The following ATF6 variants were observed in gnomAD, a reference collection of about 807,000 sequenced individuals.
ATF6 encodes the protein cyclic AMP-dependent transcription factor ATF-6 alpha.
A neutral mutation model predicts 83.6 loss-of-function variants in ATF6; 53 were observed. The observed-to-expected ratio is 0.63, with a 90% confidence interval of 0.51 to 0.80. The LOEUF is 0.80. ATF6 is among the 30% of genes least tolerant of loss of function. The pLI is 0.00. For missense variants in ATF6, 744 were observed against 797.9 expected, an observed-to-expected ratio of 0.93 and a Z score of 0.81; for synonymous variants, 288 against 285.8, an observed-to-expected ratio of 1.01 and a Z score of -0.08.
intron 15 of ATF6, among the ~76,000 whole-genome samples, chr1:161,935,963 A>C (rs957805856): frequency 3.9e-5 from 6 of 152,218 alleles, no homozygotes; most frequent in African/African-American, 1.4e-4. Flanking sequence ...GTTCTAATTC[A>C]GTATTTTTAG....
rs768264669 is a variant in ATF6, at chr1:161,792,192, T to G, written c.553T>G (p.Leu185Val). The G allele has an allele frequency of 6.2e-7, 1 of 1,614,048 alleles. No homozygotes were observed. The highest frequency in any genetic ancestry group is 8.5e-7 in the Non-Finnish European group (1 of 1,180,016). Residue 185 changes from leucine to valine, a missense_variant, in exon 6 of 16, where the codon TTG becomes GTG. Physicochemically the swap from Leu to Val is conservative, Grantham distance 32. Coordinates refer to ENST00000367942, the MANE Select transcript of ATF6 (RefSeq NM_007348.4). ...SKPSIQPKPL[L>V]LPAAPKTQTN... is the part of the protein sequence containing the mutation. ...ACCTTCAATTCAGCCCAAGCCTTTA[T>G]TGCTTCCAGCAGCACCCAAGACTCA...
chr1:161,842,133 C>T (rs1686372538), intron 9 of ATF6, among the ~76,000 whole-genome samples: 1 of 152,114 alleles, frequency 6.6e-6, no homozygotes, highest in African/African-American at 2.4e-5. Flanking sequence ...TCCAAACTCC[C>T]CCAGTCCCTA....
chr1:161,892,627 T>TC (rs1448056974), intron 14 of ATF6, among the ~76,000 whole-genome samples: 1 of 146,180 alleles, frequency 6.8e-6, no homozygotes, highest in Non-Finnish European at 1.5e-5. Flanking sequence ...TACAGGTCAT[T>TC]CTTTTTTTTT....
Position 161,960,887 on chromosome 1 carries a change from G to A in ATF6, c.*2233G>A, listed in dbSNP as rs1309815921. 6.6e-6 allele frequency: 1 copy of A among 152,180 alleles called. No individual in the cohort carries two copies. The highest frequency in any genetic ancestry group is 1.5e-5 in the Non-Finnish European group (1 of 68,050). The allele number at this position is 152,180 out of a possible 1,614,324, so 9.4% of individuals were successfully genotyped here. A position where few individuals can be genotyped will look rare whatever the true frequency, so the allele number is the denominator to read the frequency against. ...TAGCCACACCAGAGGCTGTGACCAT[G>A]GCTAGTAGACAGTGGCAACATAGTC... On this transcript the variant is annotated 3_prime_UTR_variant, in exon 16 of 16. Coordinates refer to ENST00000367942, the MANE Select transcript of ATF6 (RefSeq NM_007348.4).
At chr1:161,819,134 A>G (rs1685687395) in intron 7 of ATF6, among the ~76,000 whole-genome samples, 1 of 152,208 alleles carries the variant, frequency 6.6e-6, no homozygotes, top group Non-Finnish European at 1.5e-5. Context: ...TGAATAAAGT[A>G]AAATAATAGT....
intron 14 of ATF6, among the ~76,000 whole-genome samples, chr1:161,901,510 TAGTG>T (rs944693752): frequency 2.0e-5 from 3 of 151,454 alleles, no homozygotes; most frequent in African/African-American, 7.3e-5. Context: ...AAAAAAAAAT[TAGTG>T]AGAAGAGTAG....
At chr1:161,893,825 C>G (rs1246081893) in intron 14 of ATF6, among the ~76,000 whole-genome samples, 6 of 152,128 alleles carry the variant, frequency 3.9e-5, no homozygotes, top group African/African-American at 1.4e-4. Flanking sequence ...CATATCTGTT[C>G]CTCACATAAT....
chr1:161,796,438 A>C (rs567320465), intron 6 of ATF6, among the ~76,000 whole-genome samples: 1 of 152,174 alleles, frequency 6.6e-6, no homozygotes, highest in Non-Finnish European at 1.5e-5. Flanking sequence ...AGTGGTTCTC[A>C]GTCTGTATAT....
chr1:161,873,493 A>C (rs149641858), intron 14 of ATF6, among the ~76,000 whole-genome samples: 2 of 151,650 alleles, frequency 1.3e-5, no homozygotes, highest in Admixed American at 1.3e-4. Context: ...CCTCTCCTAT[A>C]TAGTATACAG....
intron 14 of ATF6, 39 bp downstream of exon 14, chr1:161,863,351 G>A (rs765359915): frequency 7.6e-7 from 1 of 1,320,918 alleles, no homozygotes; most frequent in Non-Finnish European, 1.1e-6. Context: ...ATATTTTTGA[G>A]TGCTTGCCGT....
At chr1:161,943,891 C>T (rs1688698689) in intron 15 of ATF6, among the ~76,000 whole-genome samples, 1 of 152,194 alleles carries the variant, frequency 6.6e-6, no homozygotes, top group Admixed American at 6.5e-5. Flanking sequence ...TTACTTCTCT[C>T]GCTTACCATC....
chr1:161,942,978 C>T (rs539233402), intron 15 of ATF6, among the ~76,000 whole-genome samples: 1 of 152,378 alleles, frequency 6.6e-6, no homozygotes, highest in South Asian at 2.1e-4. Flanking sequence ...GCCTCAGCCT[C>T]CCAAGTAGCT....
intron 7 of ATF6, among the ~76,000 whole-genome samples, chr1:161,803,840 CT>C (rs138386883): frequency 6.6e-6 from 1 of 151,404 alleles, no homozygotes; most frequent in African/African-American, 2.4e-5. Flanking sequence ...TTTGAAATTT[CT>C]TTTTTTTTGT....
chr1:161,780,609 G>A (rs993186244), intron 2 of ATF6, among the ~76,000 whole-genome samples: 2 of 152,104 alleles, frequency 1.3e-5, no homozygotes, highest in Admixed American at 6.6e-5. Flanking sequence ...TCCTGACCTC[G>A]TGATCCACCT....
intron 15 of ATF6, among the ~76,000 whole-genome samples, chr1:161,928,976 C>A (rs1406332119): frequency 1.3e-5 from 2 of 152,198 alleles, no homozygotes; most frequent in African/African-American, 2.4e-5. Context: ...TCCAGGGAGC[C>A]TCATTTGGCA....
At chr1:161,815,596 A>AATAAC (rs1419292719) in intron 7 of ATF6, among the ~76,000 whole-genome samples, 1 of 152,088 alleles carries the variant, frequency 6.6e-6, no homozygotes, top group Non-Finnish European at 1.5e-5. Flanking sequence ...AAGAGACTAT[A>AATAAC]ATAACTTACA....
chr1:161,780,044 G>A (rs1180060911), intron 2 of ATF6, among the ~76,000 whole-genome samples: 1 of 151,974 alleles, frequency 6.6e-6, no homozygotes, highest in Non-Finnish European at 1.5e-5. Context: ...GGCTAAGGCT[G>A]CTTAATTTTT....
intron 7 of ATF6, among the ~76,000 whole-genome samples, chr1:161,815,577 A>G (rs987530509): frequency 2.3e-4 from 35 of 152,182 alleles, no homozygotes; most frequent in African/African-American, 8.2e-4. Flanking sequence ...AGTCAATTTT[A>G]TTAATAAAAA....
intron 14 of ATF6, among the ~76,000 whole-genome samples, chr1:161,902,581 G>GA (rs1299721541): frequency 6.6e-6 from 1 of 152,168 alleles, no homozygotes; most frequent in African/African-American, 2.4e-5. Flanking sequence ...AGTTTGACCT[G>GA]AAAGGGTCTT....
Sources: gnomAD v4.1 joint callset for allele counts (sites outside exome capture counted in the v4.1 genomes callset) on GRCh38, gnomAD v4.1.1 for gene constraint, MANE v1.5 for transcripts, NCBI Gene and HGNC (gene_info 2026-07-23, HGNC 2026-07-21) for gene names.